The following GAS7 variants were observed in gnomAD, a reference collection of about 807,000 sequenced individuals.
GAS7 encodes the protein growth arrest specific 7, also known as growth arrest-specific protein 7.
GAS7 carries 28 observed loss-of-function variants against 71.1 expected under a neutral mutation model. That is an observed-to-expected ratio of 0.39 (90% CI 0.29 to 0.54). GAS7 has a LOEUF of 0.54. Ranked by LOEUF, GAS7 falls within the 20% of genes least tolerant of loss-of-function variation. The pLI is 0.62. For synonymous variants in GAS7, 258 were observed against 245.8 expected (o/e 1.05, Z -0.46); for missense variants, 436 against 627.8 (o/e 0.69, Z 3.27).
At chr17:9,955,034 A>C (rs1032430132) in intron 5 of GAS7, among the ~76,000 whole-genome samples, 29 of 152,188 alleles carry the variant, frequency 1.9e-4, no homozygotes, top group African/African-American at 7.0e-4. Context: ...AGAATGTTTA[A>C]TTCTAGTTCA....
In GAS7 at chr17:10,177,445, G is replaced by A. The variant is rs112562961; in HGVS notation, c.183+20763C>T. On this transcript the variant is annotated intron_variant, in intron 1 of 13. Transcript: ENST00000432992. ...AGCAATGGGGAGCCAGTGGAGATCAGGTGTGGAGAGGATGCTGCTGACGCC... is the reference window on the plus strand; with the variant it reads ...AGCAATGGGGAGCCAGTGGAGATCAAGTGTGGAGAGGATGCTGCTGACGCC... Among the ~76,000 whole-genome samples, 270 of 152,178 alleles carry A rather than the reference G, an allele frequency of 1.8e-3. 1 individual carries two copies. Among genetic ancestry groups the A allele is most frequent in the African/African-American group, 5.9e-3 (246 of 41,514 alleles).
intron 1 of GAS7, among the ~76,000 whole-genome samples, chr17:10,158,415 G>A (rs2074223419): frequency 6.6e-6 from 1 of 150,716 alleles, no homozygotes; most frequent in South Asian, 2.1e-4. Context: ...GGGAGGCCGA[G>A]GTAGGAGAGT....
chr17:9,918,164 A>G (rs2067660172), intron 12 of GAS7, 65 bp from the exon 13 acceptor site: 22 of 1,134,622 alleles, frequency 1.9e-5, no homozygotes, highest in Non-Finnish European at 2.9e-5. Context: ...TCCCCCCACC[A>G]AGACCACAAA....
chr17:10,075,140 G>T (rs149911818), intron 1 of GAS7, among the ~76,000 whole-genome samples: 2 of 151,556 alleles, frequency 1.3e-5, no homozygotes, highest in Non-Finnish European at 1.5e-5. Context: ...GGCAAATCAC[G>T]AGGTCAGGAG....
intron 1 of GAS7, among the ~76,000 whole-genome samples, chr17:10,088,194 C>T (rs986144354): frequency 3.4e-5 from 5 of 147,332 alleles, no homozygotes; most frequent in South Asian, 2.2e-4. Flanking sequence ...GCACTCCAGC[C>T]GGGGCAACAG....
At chr17:9,984,278 G>A (rs896884519) in intron 2 of GAS7, among the ~76,000 whole-genome samples, 2 of 152,138 alleles carry the variant, frequency 1.3e-5, no homozygotes, top group Admixed American at 1.3e-4. Context: ...CGGCTACTTG[G>A]TCTCGTAGGC....
intron 1 of GAS7, among the ~76,000 whole-genome samples, chr17:10,063,813 T>C (rs1567576119): frequency 6.6e-6 from 1 of 152,204 alleles, no homozygotes; most frequent in Admixed American, 6.5e-5. Flanking sequence ...CCTGGTCAAA[T>C]GCTTCCTTCA....
chr17:10,154,913 TAC>T (rs57604032), intron 1 of GAS7, among the ~76,000 whole-genome samples: 28,817 of 141,576 alleles, frequency 0.2, 3,538 homozygotes, highest in Non-Finnish European at 0.29. Flanking sequence ...AACCCCAGGC[TAC>T]ACACACACAC....
intron 2 of GAS7, among the ~76,000 whole-genome samples, chr17:10,015,836 C>T (rs1049289364): frequency 6.6e-6 from 1 of 152,130 alleles, no homozygotes; most frequent in Non-Finnish European, 1.5e-5. Flanking sequence ...GCTTCCTTCT[C>T]CAGGAAGCCT....
intron 1 of GAS7, among the ~76,000 whole-genome samples, chr17:10,174,213 C>A (rs1053027743): frequency 2.0e-5 from 3 of 152,182 alleles, no homozygotes; most frequent in Non-Finnish European, 2.9e-5. Flanking sequence ...TGGCTCAATT[C>A]ACCCAGTGTA....
chr17:9,950,681 C>A (rs951395610), intron 5 of GAS7, among the ~76,000 whole-genome samples: 4 of 151,998 alleles, frequency 2.6e-5, no homozygotes, highest in Non-Finnish European at 5.9e-5. Flanking sequence ...CATAGTGAAA[C>A]CCTGTCTCTA....
At chr17:10,194,576 T>C (rs1208326513) in intron 1 of GAS7, among the ~76,000 whole-genome samples, 2 of 152,224 alleles carry the variant, frequency 1.3e-5, no homozygotes, top group East Asian at 3.8e-4. Flanking sequence ...CCCAGGTCTA[T>C]GGAGGCAATC....
intron 5 of GAS7, among the ~76,000 whole-genome samples, chr17:9,949,688 T>C (rs1028764659): frequency 2.0e-5 from 3 of 152,190 alleles, no homozygotes; most frequent in Admixed American, 1.3e-4. Context: ...GAGGCAGGAA[T>C]GACGTGGACG....
At position 9,915,324 on chromosome 17, in the gene GAS7, A is replaced by C. The variant is rs181595246; in HGVS notation, c.*1904T>G. ...TTGGAAATCATCCACAGAGTAGTTT[A>C]CTAAGCCACAAAGCAATTACCACTA... On this transcript the variant is annotated 3_prime_UTR_variant, in exon 14 of 14. Coordinates refer to ENST00000432992, the MANE Select transcript of GAS7 (RefSeq NM_201433.2). 1.7e-5 allele frequency: 4 copies of C among 230,866 alleles called. No homozygotes were observed. Among genetic ancestry groups the C allele is most frequent in the African/African-American group, 4.4e-5 (2 of 45,344 alleles). The allele number at this position is 230,866 out of a possible 1,614,324, so 14.3% of individuals were successfully genotyped here. A position where few individuals can be genotyped will look rare whatever the true frequency, so the allele number is the denominator to read the frequency against.
chr17:10,190,385 C>A (rs1193535527), intron 1 of GAS7, among the ~76,000 whole-genome samples: 1 of 151,784 alleles, frequency 6.6e-6, no homozygotes, highest in Non-Finnish European at 1.5e-5. Context: ...GAGTTTGAGT[C>A]CAGCCTGACC....
intron 1 of GAS7, among the ~76,000 whole-genome samples, chr17:10,195,213 C>T (rs1256969841): frequency 6.6e-6 from 1 of 152,170 alleles, no homozygotes; most frequent in Non-Finnish European, 1.5e-5. Context: ...AAACCAAGAC[C>T]TCCTCCAAGC....
intron 1 of GAS7, among the ~76,000 whole-genome samples, chr17:10,112,183 G>C (rs1016900282): frequency 6.6e-6 from 1 of 152,202 alleles, no homozygotes; most frequent in Non-Finnish European, 1.5e-5. Context: ...TGGGAGCAGA[G>C]AAATGCTGTC....
intron 1 of GAS7, among the ~76,000 whole-genome samples, chr17:10,064,428 T>C (rs1411078553): frequency 2.6e-5 from 4 of 152,220 alleles, no homozygotes; most frequent in Non-Finnish European, 4.4e-5. Context: ...ATTTTTCTAC[T>C]GTGGAACCAC....
chr17:9,956,327 G>A (rs920077707), intron 5 of GAS7, among the ~76,000 whole-genome samples: 14 of 152,172 alleles, frequency 9.2e-5, no homozygotes, highest in Non-Finnish European at 1.9e-4. Context: ...GTGGAACAGA[G>A]AAGAAGAGTA....
Sources: gnomAD v4.1 joint callset for allele counts (sites outside exome capture counted in the v4.1 genomes callset) on GRCh38, gnomAD v4.1.1 for gene constraint, MANE v1.5 for transcripts, NCBI Gene and HGNC (gene_info 2026-07-23, HGNC 2026-07-21) for gene names.